Variants in GABRA3 observed in about 807,000 individuals in gnomAD.
GABRA3 encodes gamma-aminobutyric acid type A receptor subunit alpha3, also known as gamma-aminobutyric acid receptor subunit alpha-3.
Under a neutral mutation model 30.1 loss-of-function variants are expected in GABRA3, and 10 were observed. The ratio of observed to expected loss-of-function variants is 0.33; its 90% CI spans 0.20 to 0.56. The LOEUF is 0.56. Ranked by LOEUF, GABRA3 falls within the 20% of genes least tolerant of loss-of-function variation. The probability of loss-of-function intolerance (pLI) is 0.89; values close to 1 mark genes in which losing one functional copy is unlikely to be tolerated. For synonymous variants in GABRA3, 151 were observed against 146.8 expected (o/e 1.03, Z -0.21); for missense variants, 233 against 392.0 (o/e 0.59, Z 3.42).
chrX:152,426,253 C>CATAT (rs1930511709), intron 1 of GABRA3, among the ~76,000 whole-genome samples: 2 of 111,219 alleles, frequency 1.8e-5, no homozygotes, highest in Non-Finnish European at 3.8e-5. Context: ...TCCTCATATG[C>CATAT]GAATAGTGGA....
At chrX:152,392,528 T>A (rs1233098279) in intron 1 of GABRA3, among the ~76,000 whole-genome samples, 1 of 111,660 alleles carries the variant, frequency 9.0e-6, no homozygotes, top group African/African-American at 3.3e-5. Flanking sequence ...CATACAACCA[T>A]GGAAAATTAG....
intron 3 of GABRA3, among the ~76,000 whole-genome samples, chrX:152,327,820 A>C (rs1241535312): frequency 1.8e-5 from 2 of 111,801 alleles, no homozygotes; most frequent in South Asian, 3.7e-4. Flanking sequence ...ACACATTCAA[A>C]AGCTAGCAGA....
chrX:152,272,647 C>A (rs1171518614), intron 4 of GABRA3, among the ~76,000 whole-genome samples: 1 of 111,154 alleles, frequency 9.0e-6, no homozygotes, highest in Non-Finnish European at 1.9e-5. Flanking sequence ...TTGGGAAGGG[C>A]CAGGGGTGAA....
intron 9 of GABRA3, among the ~76,000 whole-genome samples, chrX:152,182,355 C>A (rs190031209): frequency 0.011 from 1,079 of 97,104 alleles, 8 homozygotes; most frequent in Non-Finnish European, 0.017. Context: ...TATATATATA[C>A]ACACTATGTA....
chrX:152,253,549 G>A (rs940378518), intron 5 of GABRA3, among the ~76,000 whole-genome samples: 1 of 111,549 alleles, frequency 9.0e-6, no homozygotes, highest in African/African-American at 3.3e-5. Context: ...ATTTACTGCC[G>A]ATTTCCTTAA....
intron 3 of GABRA3, among the ~76,000 whole-genome samples, chrX:152,286,367 C>T (rs1939297323): frequency 9.1e-6 from 1 of 109,490 alleles, no homozygotes; most frequent in African/African-American, 3.3e-5. Flanking sequence ...TTGCAAAGCC[C>T]ATTTCAGCCT....
intron 5 of GABRA3, among the ~76,000 whole-genome samples, chrX:152,250,229 G>T (rs1461473401): frequency 1.8e-5 from 2 of 110,865 alleles, no homozygotes; most frequent in Non-Finnish European, 3.8e-5. Context: ...TCCATTTCAG[G>T]AATTTTATAT....
chrX:152,282,596 T>G (rs1339284618), intron 4 of GABRA3, among the ~76,000 whole-genome samples: 1 of 111,638 alleles, frequency 9.0e-6, no homozygotes, highest in African/African-American at 3.3e-5. Context: ...TAATGAGGAA[T>G]AAAAACAAAC....
chrX:152,321,197 C>T (rs1490833586), intron 3 of GABRA3, among the ~76,000 whole-genome samples: 1 of 111,299 alleles, frequency 9.0e-6, no homozygotes, highest in Non-Finnish European at 1.9e-5. Context: ...CAGGGCCTCA[C>T]ATACGGTTAA....
At position 152,371,165 on chromosome X, in the gene GABRA3, T is replaced by C. The variant is rs536982336; in HGVS notation, c.-26-6569A>G. On this transcript the variant is annotated intron_variant, in intron 1 of 9. Coordinates refer to ENST00000370314, the MANE Select transcript of GABRA3 (RefSeq NM_000808.4). ...GCCTCTCTTTAAATTTTCTTCAACA[T>C]ACTTCAATGTCCCACGATCCTTTTG... is the stretch of plus-strand genomic sequence containing the variant. Among the ~76,000 whole-genome samples the C allele has an allele frequency of 2.0e-4, 22 of 111,209 alleles. No homozygotes were observed. In the South Asian group the frequency reaches 6.8e-3, roughly 35 times the overall value.
At chrX:152,264,281 C>A (rs1938782404) in intron 4 of GABRA3, among the ~76,000 whole-genome samples, 1 of 111,318 alleles carries the variant, frequency 9.0e-6, no homozygotes. Context: ...AACAACTTTC[C>A]AAGACATAGA....
intron 2 of GABRA3, among the ~76,000 whole-genome samples, chrX:152,358,162 A>G (rs1940580172): frequency 1.8e-5 from 2 of 111,636 alleles, no homozygotes; most frequent in Admixed American, 1.9e-4. Flanking sequence ...CATTTTAACA[A>G]TATTGATTCT....
At chrX:152,349,316 G>T (rs754528504) in intron 2 of GABRA3, among the ~76,000 whole-genome samples, 31 of 110,800 alleles carry the variant, frequency 2.8e-4, no homozygotes, top group African/African-American at 1.0e-3. Context: ...CGCTAAACAT[G>T]GAGAGGAACA....
intron 4 of GABRA3, among the ~76,000 whole-genome samples, chrX:152,265,453 T>C (rs1426054140): frequency 9.0e-6 from 1 of 111,057 alleles, no homozygotes; most frequent in African/African-American, 3.3e-5. Context: ...AAACAAATGA[T>C]AATGCAAACA....
intron 3 of GABRA3, among the ~76,000 whole-genome samples, chrX:152,322,938 C>T (rs1442553586): frequency 3.4e-4 from 34 of 98,706 alleles, no homozygotes; most frequent in Admixed American, 2.6e-3. Flanking sequence ...CTGCAACCTC[C>T]GCCTCCCAGG....
chrX:152,435,295 C>T (rs1012243834), intron 1 of GABRA3, among the ~76,000 whole-genome samples: 5 of 111,056 alleles, frequency 4.5e-5, no homozygotes, highest in Admixed American at 1.9e-4. Context: ...TGCATGCACA[C>T]GTTTGTTTAT....
chrX:152,224,872 A>T, intron 5 of GABRA3, 27 bp from the exon 6 acceptor site: 1 of 1,025,359 alleles, frequency 9.8e-7, no homozygotes, highest in Non-Finnish European at 1.4e-6. Flanking sequence ...CAGAAAATGA[A>T]ATTAAGCTAA....
chrX:152,238,527 T>C, intron 5 of GABRA3, among the ~76,000 whole-genome samples: 1 of 108,070 alleles, frequency 9.3e-6, no homozygotes, highest in African/African-American at 3.4e-5. Flanking sequence ...TAGGGAGGAT[T>C]CACTCTTTTT....
intron 1 of GABRA3, among the ~76,000 whole-genome samples, chrX:152,390,021 G>A (rs1050510099): frequency 6.3e-5 from 7 of 111,369 alleles, no homozygotes; most frequent in African/African-American, 2.3e-4. Context: ...AAGATTTGGG[G>A]GCAAAGTAAA....
Sources: gnomAD v4.1 joint callset for allele counts (sites outside exome capture counted in the v4.1 genomes callset) on GRCh38, gnomAD v4.1.1 for gene constraint, MANE v1.5 for transcripts, NCBI Gene and HGNC (gene_info 2026-07-23, HGNC 2026-07-21) for gene names.